Variants in FAM227B observed in about 807,000 individuals in gnomAD.
FAM227B encodes family with sequence similarity 227 member B, also known as protein FAM227B.
In FAM227B, 88 loss-of-function variants were observed where a neutral mutation model predicts 73.8. That is an observed-to-expected ratio of 1.19 (90% confidence interval 1.00 to 1.42). The LOEUF (loss-of-function observed/expected upper bound fraction) is 1.42. FAM227B is among the 40% of genes most tolerant of loss of function. The pLI is 0.00. For missense variants in FAM227B, 632 were observed against 590.9 expected (o/e 1.07, Z -0.72); for synonymous variants, 210 against 190.5 (o/e 1.10, Z -0.84).
At chr15:49,548,821 G>A (rs1237882355) in intron 9 of FAM227B, among the ~76,000 whole-genome samples, 2 of 152,120 alleles carry the variant, frequency 1.3e-5, no homozygotes, top group South Asian at 2.1e-4. Context: ...GCTCATGGTA[G>A]CAACTAATAA....
At chr15:49,357,833 C>T (rs573379505) in intron 13 of FAM227B, among the ~76,000 whole-genome samples, 1 of 148,958 alleles carries the variant, frequency 6.7e-6, no homozygotes, top group African/African-American at 2.5e-5. Flanking sequence ...ATGCAAAAAT[C>T]CTCAATAAAA....
intron 11 of FAM227B, among the ~76,000 whole-genome samples, chr15:49,432,277 T>C (rs958765986): frequency 6.6e-6 from 1 of 151,700 alleles, no homozygotes; most frequent in Non-Finnish European, 1.5e-5. Flanking sequence ...ATTTCCAAAC[T>C]GTGTTTCTTT....
At chr15:49,396,304 C>G in intron 11 of FAM227B, 1 of 400,330 alleles carries the variant, frequency 2.5e-6, no homozygotes. Flanking sequence ...TAAAAAGCGG[C>G]GCACCACGAG....
At chr15:49,368,516 G>C (rs139445888) in intron 12 of FAM227B, among the ~76,000 whole-genome samples, 166 of 152,058 alleles carry the variant, frequency 1.1e-3, no homozygotes, top group Admixed American at 2.7e-3. Context: ...TCAAATAATG[G>C]GACTATCATA....
At chr15:49,481,585 T>C (rs973100053) in intron 11 of FAM227B, among the ~76,000 whole-genome samples, 6 of 152,186 alleles carry the variant, frequency 3.9e-5, no homozygotes, top group African/African-American at 1.4e-4. Context: ...TTCTCTAGCC[T>C]ATTCAGGCCT....
intron 3 of FAM227B, among the ~76,000 whole-genome samples, chr15:49,603,433 A>G (rs889832446): frequency 5.3e-5 from 8 of 151,332 alleles, no homozygotes; most frequent in African/African-American, 1.9e-4. Context: ...TCTTTTTCAG[A>G]TTTTTCTCTC....
chr15:49,587,944 T>C lies in FAM227B; in HGVS notation c.405+72A>G, dbSNP rs1316648281. On this transcript the variant is annotated intron_variant, in intron 5 of 15. Transcript: ENST00000299338. ...TACAAAAGTGTTATTAGTGCTCATC[T>C]GTGGAAATGTAGTGTTTATATTTTC... is the stretch of plus-strand genomic sequence containing the variant. 7.9e-6 allele frequency: 10 copies of C among 1,273,150 alleles called. No individual in the cohort carries two copies. The African/African-American group carries it at 1.1e-4, about 14-fold the overall frequency. 78.9% of individuals were successfully genotyped at this position (1,273,150 alleles called of 1,614,324 possible). A position where few individuals can be genotyped will look rare whatever the true frequency, so the allele number is the denominator to read the frequency against.
chr15:49,549,934 C>G (rs547831474), intron 9 of FAM227B, among the ~76,000 whole-genome samples: 1 of 122,860 alleles, frequency 8.1e-6, no homozygotes, highest in African/African-American at 2.6e-5. Context: ...ACCTCCCTCC[C>G]GGATGGGGCG....
intron 13 of FAM227B, chr15:49,366,121 G>A: frequency 5.1e-6 from 5 of 978,158 alleles, no homozygotes; most frequent in Non-Finnish European, 8.3e-6. Flanking sequence ...GTCCACTCCA[G>A]TATCCACCTA....
At chr15:49,374,920 C>T (rs1387387082) in intron 11 of FAM227B, among the ~76,000 whole-genome samples, 1 of 152,166 alleles carries the variant, frequency 6.6e-6, no homozygotes. Flanking sequence ...TCTTTATATG[C>T]ATACTTCCAA....
At chr15:49,436,210 C>T (rs935244504) in intron 11 of FAM227B, among the ~76,000 whole-genome samples, 1 of 151,434 alleles carries the variant, frequency 6.6e-6, no homozygotes, top group Non-Finnish European at 1.5e-5. Flanking sequence ...CAAAATTAGC[C>T]AGTGTTTCAG....
At chr15:49,620,344 A>T (rs2078617223) in intron 1 of FAM227B, among the ~76,000 whole-genome samples, 1 of 152,210 alleles carries the variant, frequency 6.6e-6, no homozygotes, top group South Asian at 2.1e-4. Flanking sequence ...TAGTCAATAA[A>T]ACATTGCTCA....
Position 49,335,419 on chromosome 15 carries a change from A to G in FAM227B, c.1349T>C (p.Ile450Thr). 1 of 1,595,572 alleles carries G rather than the reference A, an allele frequency of 6.3e-7. No homozygotes were observed. The highest frequency in any genetic ancestry group is 1.1e-5 in the South Asian group (1 of 90,606). Residue 450 changes from isoleucine (I) to threonine (T), a missense_variant and splice_region_variant, in exon 14 of 16, where the codon ATA (isoleucine) becomes ACA (threonine). By Grantham distance (89) the Ile-to-Thr change is moderately conservative. Transcript: ENST00000299338. ...QFARNQKDFR[I>T]LQAKATKKPH... ...TAACAATAGTATAGCATCAACTTAC[A>G]TCCTAAAATCCTTTTGGTTCCTTGC...
intron 11 of FAM227B, among the ~76,000 whole-genome samples, chr15:49,378,613 G>A (rs533842278): frequency 2.0e-5 from 3 of 152,086 alleles, no homozygotes; most frequent in South Asian, 2.1e-4. Flanking sequence ...ATTGTTCACC[G>A]TTGGCATATA....
intron 11 of FAM227B, among the ~76,000 whole-genome samples, chr15:49,451,659 C>G (rs2052755044): frequency 6.6e-6 from 1 of 152,082 alleles, no homozygotes; most frequent in Non-Finnish European, 1.5e-5. Flanking sequence ...AAACACAGCA[C>G]AAGCCAAACT....
chr15:49,422,037 C>G (rs572243806), intron 11 of FAM227B, among the ~76,000 whole-genome samples: 1 of 151,998 alleles, frequency 6.6e-6, no homozygotes, highest in African/African-American at 2.4e-5. Flanking sequence ...ATCACATAAA[C>G]TATAATCCAG....
intron 11 of FAM227B, among the ~76,000 whole-genome samples, chr15:49,381,296 G>A (rs2046516831): frequency 6.6e-6 from 1 of 152,140 alleles, no homozygotes; most frequent in African/African-American, 2.4e-5. Flanking sequence ...CCTGGGGAAG[G>A]TTTTATTTCC....
chr15:49,575,127 A>G lies in FAM227B; in HGVS notation c.547-18T>C, dbSNP rs2152374169. The G allele has an allele frequency of 7.9e-7, 1 of 1,273,194 alleles. No individual in the cohort carries two copies. Among genetic ancestry groups the G allele is most frequent in the Non-Finnish European group, 1.1e-6 (1 of 886,438 alleles). 78.9% of individuals were successfully genotyped at this position (1,273,194 alleles called of 1,614,324 possible). A position where few individuals can be genotyped will look rare whatever the true frequency, so the allele number is the denominator to read the frequency against. On this transcript the variant is annotated intron_variant, in intron 7 of 15. Transcript: ENST00000299338. ...ACTCTTTCCTATGGAAAAAAACAAG[A>G]GAGAGATGCATGGAGATTAAAATAT...
intron 10 of FAM227B, among the ~76,000 whole-genome samples, chr15:49,524,980 T>C (rs953626069): frequency 7.9e-4 from 120 of 152,216 alleles, no homozygotes; most frequent in Non-Finnish European, 4.4e-5. Flanking sequence ...CACAGGCTCA[T>C]AGGCAGAAGG....
Sources: gnomAD v4.1 joint callset for allele counts (sites outside exome capture counted in the v4.1 genomes callset) on GRCh38, gnomAD v4.1.1 for gene constraint, MANE v1.5 for transcripts, NCBI Gene and HGNC (gene_info 2026-07-23, HGNC 2026-07-21) for gene names.